The following PAK5 variants were observed in gnomAD, a reference collection of about 807,000 sequenced individuals.
The protein encoded by PAK5 is p21 (RAC1) activated kinase 5, also known as serine/threonine-protein kinase PAK 5.
Under a neutral mutation model 65.9 loss-of-function variants are expected in PAK5, and 16 were observed. The observed-to-expected ratio is 0.24, with a 90% CI of 0.16 to 0.37. The LOEUF (loss-of-function observed/expected upper bound fraction) is 0.37. Ranked by LOEUF, PAK5 falls within the 10% of genes least tolerant of loss-of-function variation. The pLI is 1.00. For synonymous variants in PAK5, 371 were observed against 354.9 expected, an observed-to-expected ratio of 1.05 and a Z score of -0.51; for missense variants, 785 against 903.9, an observed-to-expected ratio of 0.87 and a Z score of 1.69.
chr20:9,701,376 A>G (rs979089777), intron 2 of PAK5, among the ~76,000 whole-genome samples: 1 of 152,174 alleles, frequency 6.6e-6, no homozygotes, highest in Non-Finnish European at 1.5e-5. Flanking sequence ...ATGTGTGGAG[A>G]GGGGACCAGC....
At chr20:9,627,391 T>C (rs1278621722) in intron 3 of PAK5, among the ~76,000 whole-genome samples, 1 of 152,222 alleles carries the variant, frequency 6.6e-6, no homozygotes, top group East Asian at 1.9e-4. Flanking sequence ...CCTGCAAAGA[T>C]GCTGCTGACC....
intron 2 of PAK5, among the ~76,000 whole-genome samples, chr20:9,668,176 CA>C (rs2047445296): frequency 6.6e-6 from 1 of 152,108 alleles, no homozygotes; most frequent in African/African-American, 2.4e-5. Context: ...CTCTCTCATA[CA>C]ACCTAAGACA....
chr20:9,590,058 G>A (rs1054098996), intron 3 of PAK5, among the ~76,000 whole-genome samples: 1 of 151,866 alleles, frequency 6.6e-6, no homozygotes, highest in African/African-American at 2.4e-5. Flanking sequence ...TGCAATCATA[G>A]CTCACTATAG....
chr20:9,590,829 C>A (rs1467839596), intron 3 of PAK5, among the ~76,000 whole-genome samples: 5 of 152,090 alleles, frequency 3.3e-5, no homozygotes, highest in African/African-American at 9.7e-5. Context: ...AATAAACAAC[C>A]CAACACTGTT....
At chr20:9,709,350 G>C (rs911881271) in intron 2 of PAK5, among the ~76,000 whole-genome samples, 1 of 152,150 alleles carries the variant, frequency 6.6e-6, no homozygotes, top group Admixed American at 6.6e-5. Flanking sequence ...CCATGTCAGA[G>C]GTGAAATGTA....
intron 7 of PAK5, among the ~76,000 whole-genome samples, chr20:9,550,610 C>A (rs749922931): frequency 6.6e-6 from 1 of 152,078 alleles, no homozygotes; most frequent in Admixed American, 6.5e-5. Context: ...ATGTTCAAAT[C>A]ATTCAAGCCA....
intron 3 of PAK5, among the ~76,000 whole-genome samples, chr20:9,582,474 A>T (rs937120993): frequency 5.9e-5 from 9 of 152,196 alleles, no homozygotes; most frequent in Non-Finnish European, 1.3e-4. Context: ...ATTTCATCGC[A>T]TAATGTTTAG....
intron 1 of PAK5, among the ~76,000 whole-genome samples, chr20:9,750,010 C>T (rs370989906): frequency 3.3e-5 from 5 of 152,262 alleles, no homozygotes; most frequent in African/African-American, 1.2e-4. Flanking sequence ...TCAGTTCTGA[C>T]TTCTCAGTGT....
intron 2 of PAK5, among the ~76,000 whole-genome samples, chr20:9,651,694 T>A (rs1364827129): frequency 6.6e-6 from 1 of 152,164 alleles, no homozygotes; most frequent in Non-Finnish European, 1.5e-5. Flanking sequence ...CCCCAGGGGC[T>A]TTGATTGCCT....
chr20:9,542,478 T>A, intron 9 of PAK5, 108 bp downstream of exon 9: 1 of 1,114,570 alleles, frequency 9.0e-7, no homozygotes, highest in East Asian at 2.4e-5. Context: ...TCCATGCTCA[T>A]AAACCAGGAT....
At chr20:9,580,100 T>G in intron 4 of PAK5, 45 bp downstream of exon 4, 7 of 1,506,950 alleles carry the variant, frequency 4.6e-6, no homozygotes, top group Non-Finnish European at 5.4e-6. Flanking sequence ...ACCACCCCTG[T>G]GGAGGTTTTT....
chr20:9,621,720 ACTC>A (rs1233360652), intron 3 of PAK5, among the ~76,000 whole-genome samples: 2 of 152,080 alleles, frequency 1.3e-5, no homozygotes, highest in African/African-American at 2.4e-5. Flanking sequence ...ATGGCAGGCC[ACTC>A]CTCCTGAGAA....
In PAK5 at chr20:9,566,372, G is replaced by C. The variant is rs1231247715; in HGVS notation, c.1003C>G (p.Arg335Gly). The C allele has an allele frequency of 3.1e-6, 5 of 1,612,676 alleles. No homozygotes were observed. The African/African-American group carries it at 6.7e-5, about 22-fold the overall frequency. The change falls in exon 5 of 10, where the codon CGA (arginine) becomes GGA (glycine). Residue 335 changes from arginine (R) to glycine (G), a missense_variant. Transcript: ENST00000353224. ...TMCIPKVDYD[R>G]AQMVLSPPLS... ...GGAGGGCTGAGGACCATCTGTGCTC[G>C]ATCGTAATCCACCTGGGAAGACAGA...
intron 1 of PAK5, among the ~76,000 whole-genome samples, chr20:9,810,798 G>C (rs1267442937): frequency 6.6e-6 from 1 of 152,060 alleles, no homozygotes; most frequent in Non-Finnish European, 1.5e-5. Context: ...TCACAAAAAT[G>C]AATAAAAGAC....
chr20:9,716,112 TCAAAA>T (rs2048143299), intron 1 of PAK5, among the ~76,000 whole-genome samples: 2 of 46,994 alleles, frequency 4.3e-5, no homozygotes, highest in Non-Finnish European at 9.1e-5. Context: ...AAATATCTTC[TCAAAA>T]GCATACCCTA....
At chr20:9,610,101 C>A (rs1157706601) in intron 3 of PAK5, among the ~76,000 whole-genome samples, 1 of 152,080 alleles carries the variant, frequency 6.6e-6, no homozygotes, top group Non-Finnish European at 1.5e-5. Flanking sequence ...ATAAAAGCAA[C>A]CGCAAGGTCT....
chr20:9,605,209 T>A (rs537835881), intron 3 of PAK5, among the ~76,000 whole-genome samples: 1 of 152,236 alleles, frequency 6.6e-6, no homozygotes, highest in African/African-American at 2.4e-5. Flanking sequence ...CCTTTCCACA[T>A]TGGTTAAGGA....
chr20:9,592,780 G>A (rs953362215), intron 3 of PAK5, among the ~76,000 whole-genome samples: 3 of 152,152 alleles, frequency 2.0e-5, no homozygotes, highest in African/African-American at 7.2e-5. Flanking sequence ...GCTGAAAGGA[G>A]ATTATTAAAG....
chr20:9,727,520 G>A (rs145894883), intron 1 of PAK5, among the ~76,000 whole-genome samples: 1 of 152,128 alleles, frequency 6.6e-6, no homozygotes, highest in African/African-American at 2.4e-5. Flanking sequence ...GTATCTGTCA[G>A]TAGATTGTGT....
Sources: allele counts gnomAD v4.1 joint callset (sites outside exome capture counted in the v4.1 genomes callset), GRCh38; gene constraint gnomAD v4.1.1; transcripts MANE v1.5; gene names NCBI Gene and HGNC (gene_info 2026-07-23, HGNC 2026-07-21).